Variants in UBTD1 observed in about 807,000 individuals in gnomAD.
UBTD1 encodes ubiquitin domain-containing protein 1.
Under a neutral mutation model 21.7 loss-of-function variants are expected in UBTD1, and 19 were observed. The observed-to-expected ratio is 0.87, with a 90% CI of 0.61 to 1.28. The LOEUF (loss-of-function observed/expected upper bound fraction) is 1.28, where lower values mean the gene tolerates loss of function less well. Ranked by LOEUF, UBTD1 falls within the 50% of genes most tolerant of loss-of-function variation. The pLI is 0.00. For missense variants in UBTD1, 282 were observed against 315.1 expected, an observed-to-expected ratio of 0.89 and a Z score of 0.80; for synonymous variants, 116 against 135.1, an observed-to-expected ratio of 0.86 and a Z score of 0.98.
At chr10:97,530,001 G>A (rs903718833) in intron 1 of UBTD1, among the ~76,000 whole-genome samples, 4 of 152,130 alleles carry the variant, frequency 2.6e-5, no homozygotes, top group Admixed American at 6.5e-5. Context: ...AAGACCTTCC[G>A]CAGAGGGGGT....
intron 1 of UBTD1, among the ~76,000 whole-genome samples, chr10:97,512,366 C>G (rs567125651): frequency 1.3e-5 from 2 of 152,330 alleles, no homozygotes; most frequent in South Asian, 4.1e-4. Flanking sequence ...CCCCTATACT[C>G]TCATATCAGA....
At chr10:97,506,061 G>C (rs895790657) in intron 1 of UBTD1, among the ~76,000 whole-genome samples, 4 of 152,196 alleles carry the variant, frequency 2.6e-5, no homozygotes, top group African/African-American at 9.7e-5. Flanking sequence ...TGTGTACAGA[G>C]CGCCTGCTTG....
chr10:97,558,619 T>A (rs2040676344), intron 1 of UBTD1, among the ~76,000 whole-genome samples: 1 of 151,782 alleles, frequency 6.6e-6, no homozygotes, highest in Non-Finnish European at 1.5e-5. Context: ...TCAGGTAGCC[T>A]CAGGGCTGGG....
At chr10:97,564,265 G>A (rs1194908165) in intron 1 of UBTD1, among the ~76,000 whole-genome samples, 2 of 152,190 alleles carry the variant, frequency 1.3e-5, no homozygotes, top group Admixed American at 6.5e-5. Flanking sequence ...TCTGGGACAA[G>A]GTTGGGGCCG....
chr10:97,549,387 C>T (rs1262356693), intron 1 of UBTD1, among the ~76,000 whole-genome samples: 1 of 152,246 alleles, frequency 6.6e-6, no homozygotes, highest in East Asian at 1.9e-4. Flanking sequence ...ATCTGTGCCT[C>T]CCCTCTCCAG....
At chr10:97,523,684 A>C (rs1261988232) in intron 1 of UBTD1, among the ~76,000 whole-genome samples, 1 of 152,040 alleles carries the variant, frequency 6.6e-6, no homozygotes, top group Non-Finnish European at 1.5e-5. Context: ...TGATTTGGGC[A>C]CCTGGGGGCT....
rs112716334 is a variant in UBTD1, at chr10:97,532,861, C to T, written c.70+33588C>T. Among the ~76,000 whole-genome samples the T allele has an allele frequency of 4.7e-3, 711 of 152,168 alleles. 4 individuals are homozygous for T. Among genetic ancestry groups the T allele is most frequent in the South Asian group, 6.0e-3 (29 of 4,826 alleles). On this transcript the variant is annotated intron_variant, in intron 1 of 2. Transcript: ENST00000370664. ...TGGTCTTGCCTCTTATCACCTTCAT[C>T]ACTTTCTAATGTTGTGCTCTTATTT...
At position 97,570,537 on chromosome 10, in the gene UBTD1, C is replaced by T; in HGVS notation, c.*14C>T. ...CCCCAGGACTGATGGGCCCACGGAC[C>T]CCTGGGAAGAGGCCCCGCCTGGAGC... is the stretch of plus-strand genomic sequence containing the variant. On this transcript the variant is annotated 3_prime_UTR_variant, in exon 3 of 3. Transcript: ENST00000370664. The surrounding 1 kb of genome is among the most constrained non-coding windows in gnomAD (Gnocchi z 6.6). 1.9e-6 allele frequency: 3 copies of T among 1,578,048 alleles called. No homozygotes were observed. Among genetic ancestry groups the T allele is most frequent in the South Asian group, 2.3e-5 (2 of 87,828 alleles).
chr10:97,532,006 G>A (rs1326474399), intron 1 of UBTD1, among the ~76,000 whole-genome samples: 2 of 152,228 alleles, frequency 1.3e-5, no homozygotes, highest in Non-Finnish European at 2.9e-5. Context: ...TCAGCAACAA[G>A]GCATTGTGAT....
chr10:97,519,815 A>G (rs2040459522), intron 1 of UBTD1, among the ~76,000 whole-genome samples: 1 of 152,132 alleles, frequency 6.6e-6, no homozygotes, highest in Non-Finnish European at 1.5e-5. Context: ...TATGTGCTTT[A>G]AGAGGCTAAG....
chr10:97,551,826 T>G (rs2135681019), intron 1 of UBTD1, among the ~76,000 whole-genome samples: 1 of 152,328 alleles, frequency 6.6e-6, no homozygotes, highest in South Asian at 2.1e-4. Flanking sequence ...TGTAGAAAAC[T>G]TGGAAAATAT....
intron 1 of UBTD1, among the ~76,000 whole-genome samples, chr10:97,531,044 C>T (rs2040528178): frequency 1.3e-5 from 2 of 151,722 alleles, no homozygotes; most frequent in Non-Finnish European, 2.9e-5. Context: ...CCCGCCACCA[C>T]GCCCAACTAA....
At chr10:97,506,308 TTATAG>T (rs924454774) in intron 1 of UBTD1, among the ~76,000 whole-genome samples, 1 of 152,198 alleles carries the variant, frequency 6.6e-6, no homozygotes, top group African/African-American at 2.4e-5. Flanking sequence ...GTTACTGTGC[TTATAG>T]TAGTGTGAGG....
chr10:97,537,240 G>A (rs948344526), intron 1 of UBTD1, among the ~76,000 whole-genome samples: 3 of 152,138 alleles, frequency 2.0e-5, no homozygotes, highest in Non-Finnish European at 2.9e-5. Flanking sequence ...TTTTGTCTGG[G>A]CCTGAGCACC....
intron 1 of UBTD1, among the ~76,000 whole-genome samples, chr10:97,519,885 A>C (rs1057218245): frequency 6.6e-6 from 1 of 151,960 alleles, no homozygotes; most frequent in African/African-American, 2.4e-5. Flanking sequence ...ACAGCCCTGC[A>C]GGTGTTTACT....
intron 1 of UBTD1, among the ~76,000 whole-genome samples, chr10:97,507,452 C>T (rs2040403794): frequency 6.7e-6 from 1 of 149,754 alleles, no homozygotes; most frequent in African/African-American, 2.5e-5. Flanking sequence ...ACCCGGGCCA[C>T]ATAGTGAGAC....
intron 1 of UBTD1, among the ~76,000 whole-genome samples, chr10:97,550,060 C>T (rs778302510): frequency 3.3e-5 from 5 of 152,144 alleles, no homozygotes; most frequent in Non-Finnish European, 4.4e-5. Context: ...ACAAGAGATT[C>T]GAGTCTGTAT....
intron 1 of UBTD1, among the ~76,000 whole-genome samples, chr10:97,515,176 C>G (rs768878144): frequency 2.6e-5 from 4 of 152,214 alleles, no homozygotes; most frequent in African/African-American, 9.7e-5. Context: ...CTTTTTCTGC[C>G]TGCTCCTGCC....
In UBTD1 at chr10:97,570,046, G is replaced by C. The variant is rs1157832956; in HGVS notation, c.299-92G>C. 2.7e-6 allele frequency: 4 copies of C among 1,495,596 alleles called. No homozygotes were observed. Among genetic ancestry groups the C allele is most frequent in the Non-Finnish European group, 2.7e-6 (3 of 1,116,714 alleles). 92.6% of individuals were successfully genotyped at this position (1,495,596 alleles called of 1,614,324 possible). A position where few individuals can be genotyped will look rare whatever the true frequency, so the allele number is the denominator to read the frequency against. ...CCAAATACAGTCACATTGGGGGTTAGAGTTTCACCATATGAATTTGGGGGG... is the reference window on the plus strand; with the variant it reads ...CCAAATACAGTCACATTGGGGGTTACAGTTTCACCATATGAATTTGGGGGG... On this transcript the variant is annotated intron_variant, in intron 2 of 2. Coordinates refer to ENST00000370664, the MANE Select transcript of UBTD1 (RefSeq NM_024954.5). The surrounding 1 kb of genome is among the most constrained non-coding windows in gnomAD (Gnocchi z 6.6).
Sources: allele counts gnomAD v4.1 joint callset (sites outside exome capture counted in the v4.1 genomes callset), GRCh38; gene constraint gnomAD v4.1.1; non-coding constraint Gnocchi (gnomAD v3.1); transcripts MANE v1.5; gene names NCBI Gene and HGNC (gene_info 2026-07-23, HGNC 2026-07-21).